LOXL3: variants seen among roughly 807,000 people sequenced by gnomAD.
LOXL3 encodes lysyl oxidase homolog 3.
Under a neutral mutation model 91.8 loss-of-function variants are expected in LOXL3, and 60 were observed. The ratio of observed to expected loss-of-function variants is 0.65; its 90% confidence interval spans 0.53 to 0.81. LOXL3 has a LOEUF of 0.81. LOXL3 is among the 30% of genes least tolerant of loss of function. The probability of loss-of-function intolerance (pLI) is 0.00; values close to 1 mark genes in which losing one functional copy is unlikely to be tolerated. For missense variants in LOXL3, 874 were observed against 1,000.4 expected, an observed-to-expected ratio of 0.87 and a Z score of 1.70; for synonymous variants, 355 against 387.6, an observed-to-expected ratio of 0.92 and a Z score of 0.99.
chr2:74,551,119 G>C (rs1044919534), intron 2 of LOXL3, among the ~76,000 whole-genome samples: 2 of 152,128 alleles, frequency 1.3e-5, no homozygotes, highest in Non-Finnish European at 2.9e-5. Flanking sequence ...TTGTAGTAGA[G>C]ACAGGGTTTC....
upstream of LOXL3, chr2:74,555,608 C>T: frequency 6.2e-7 from 1 of 1,614,214 alleles, no homozygotes; most frequent in Non-Finnish European, 8.5e-7. This position sits in a 1 kb window ranked among gnomAD's most constrained non-coding sequence, Gnocchi z 6.1. Flanking sequence ...TACCGATAAC[C>T]CACCTAAGCT....
In LOXL3 at chr2:74,552,622, T is replaced by G. The variant is rs1677090578; in HGVS notation, c.13A>C (p.Ser5Arg). MRPVSVWQWSPWGLL... is the reference protein window; with the variant it reads MRPVRVWQWSPWGLL... ...CCCCAGGGGCTCCACTGCCAGACAC[T>G]GACAGGTCGCATGGCAGGGAAGGCC... Residue 5 changes from serine to arginine, a missense_variant, in exon 2 of 14, where the codon AGT (serine) becomes CGT (arginine). By Grantham distance (110) the Ser-to-Arg change is moderately radical. Coordinates refer to ENST00000264094, the MANE Select transcript of LOXL3 (RefSeq NM_032603.5). 4 of 1,563,466 alleles carry G rather than the reference T, an allele frequency of 2.6e-6. No homozygotes were observed. Among genetic ancestry groups the G allele is most frequent in the Admixed American group, 1.8e-5 (1 of 54,578 alleles).
chr2:74,549,562 C>T lies in LOXL3; in HGVS notation c.499G>A (p.Glu167Lys). 1 of 1,610,742 alleles carries T rather than the reference C, an allele frequency of 6.2e-7. No individual in the cohort carries two copies. Among genetic ancestry groups the T allele is most frequent in the Non-Finnish European group, 8.5e-7 (1 of 1,177,712 alleles). The change falls in exon 4 of 14, where the codon GAG becomes AAG. Residue 167 changes from glutamate (E) to lysine (K), a missense_variant. Glu to Lys is a moderately conservative substitution (Grantham distance 56). Coordinates refer to ENST00000264094, the MANE Select transcript of LOXL3 (RefSeq NM_032603.5). The surrounding 1 kb of genome is among the most constrained non-coding windows in gnomAD (Gnocchi z 5.3). ...ACGGCGGGTCGAATTCGCACCTCCT[C>T]CACTTGCAGGTGATGCTCTACCTGG... The part of the protein sequence containing the change: ...VIEVEHHLQV[E>K]EVRIRPAVGW...
rs1249027063 is a variant in LOXL3 at position 74,550,414 on chromosome 2, T to C, written c.314-66A>G. Reference sequence around the variant, plus strand: ...GGAGGATGGGGGAGTAATGGGGATGTAGGGAAGAGTGAGTGCTGAGGCCTC... The same window carrying C: ...GGAGGATGGGGGAGTAATGGGGATGCAGGGAAGAGTGAGTGCTGAGGCCTC... On this transcript the variant is annotated intron_variant, in intron 2 of 13. Coordinates refer to ENST00000264094, the MANE Select transcript of LOXL3 (RefSeq NM_032603.5). The C allele has an allele frequency of 1.9e-6, 3 of 1,538,512 alleles. No individual in the cohort carries two copies. In the African/African-American group the frequency reaches 4.1e-5, roughly 21 times the overall value.
chr2:74,535,859 G>T lies in LOXL3; in HGVS notation c.1249-104C>A. On this transcript the variant is annotated intron_variant, in intron 7 of 13. Transcript: ENST00000264094. The surrounding 1 kb of genome is among the most constrained non-coding windows in gnomAD (Gnocchi z 4.2). The stretch of plus-strand genomic sequence containing the variant: ...CGTGACTCAGGCACATAATGGGCTA[G>T]CAAGTGATGGGTCAGGTGGGAGCTG... The T allele has an allele frequency of 6.8e-7, 1 of 1,479,716 alleles. No homozygotes were observed. Among genetic ancestry groups the T allele is most frequent in the Non-Finnish European group, 9.0e-7 (1 of 1,109,492 alleles). 91.7% of individuals were successfully genotyped at this position (1,479,716 alleles called of 1,614,324 possible).
At position 74,534,548 on chromosome 2, in the gene LOXL3, C is replaced by T. The variant is rs199630366; in HGVS notation, c.1806G>A (p.Val602=). ...CCTCTCACCCATGGCACTCGTGCCA[C>T]ACCCAGGAGTGGCGCCCAGCCTTGG... ...FRPKAGRHSW[V]WHECHGHYHS... is the part of the protein sequence containing the mutation. The change falls in exon 10 of 14, where the codon GTG becomes GTA. Residue 602 remains valine (V), a synonymous_variant. Coordinates refer to ENST00000264094, the MANE Select transcript of LOXL3 (RefSeq NM_032603.5). 1.2e-5 allele frequency: 20 copies of T among 1,614,122 alleles called. No homozygotes were observed. The highest frequency in any genetic ancestry group is 1.7e-6 in the Non-Finnish European group (2 of 1,180,048).
chr2:74,548,515 A>T (rs919647250), intron 4 of LOXL3, among the ~76,000 whole-genome samples: 2 of 152,092 alleles, frequency 1.3e-5, no homozygotes, highest in Non-Finnish European at 2.9e-5. Flanking sequence ...GCCCGCGGAA[A>T]CCTATCCGGA....
intron 4 of LOXL3, among the ~76,000 whole-genome samples, chr2:74,543,899 TCAAAAA>T (rs1356142809): frequency 6.1e-5 from 3 of 49,322 alleles, no homozygotes; most frequent in Admixed American, 2.1e-4. Flanking sequence ...AGGCTCTGTC[TCAAAAA>T]AAAAAAAAAA....
intron 4 of LOXL3, among the ~76,000 whole-genome samples, chr2:74,542,778 C>T (rs980144899): frequency 7.9e-5 from 12 of 152,146 alleles, no homozygotes; most frequent in Non-Finnish European, 1.5e-4. Flanking sequence ...GCACGCACCA[C>T]CACAGCCAGC....
intron 4 of LOXL3, among the ~76,000 whole-genome samples, chr2:74,547,176 AAT>A (rs1676644751): frequency 6.6e-6 from 1 of 151,878 alleles, no homozygotes; most frequent in Non-Finnish European, 1.5e-5. Context: ...ATGTTCAGCT[AAT>A]TTTATTTTTA....
chr2:74,538,943 G>A lies in LOXL3; in HGVS notation c.693-2015C>T, dbSNP rs990719064. Among the ~76,000 whole-genome samples, 60 of 152,208 alleles carry A rather than the reference G, an allele frequency of 3.9e-4. 1 individual carries two copies. The highest frequency in any genetic ancestry group is 1.3e-3 in the African/African-American group (55 of 41,446). ...TGAGACCAAGGTAAGGACCAGTCTT[G>A]CGTAACACTTCAGTAAATGCCCTGG... On this transcript the variant is annotated intron_variant, in intron 4 of 13. Coordinates refer to ENST00000264094, the MANE Select transcript of LOXL3 (RefSeq NM_032603.5).
chr2:74,548,875 G>C (rs1676781725), intron 4 of LOXL3, among the ~76,000 whole-genome samples: 2 of 151,452 alleles, frequency 1.3e-5, no homozygotes, highest in Non-Finnish European at 3.0e-5. Context: ...GGGGCGGCCC[G>C]GGCAGAGAGA....
chr2:74,550,267 C>G lies in LOXL3; in HGVS notation c.395G>C (p.Ser132Thr). Residue 132 changes from serine (S) to threonine (T), a missense_variant, in exon 3 of 14, where the codon AGT becomes ACT. Ser to Thr is a moderately conservative substitution (Grantham distance 58, BLOSUM62 1). Coordinates refer to ENST00000264094, the MANE Select transcript of LOXL3 (RefSeq NM_032603.5). The stretch of plus-strand genomic sequence containing the variant: ...AGCATCCTCATCGTGCGTACAGTCA[C>G]TGTTCCCCCAGCCCCGGGAGGCACA... ...TECASRGWGN[S>T]DCTHDEDAGV... is the part of the protein sequence containing the mutation. 2 of 1,614,222 alleles carry G rather than the reference C, an allele frequency of 1.2e-6. No individual in the cohort carries two copies. Among genetic ancestry groups the G allele is most frequent in the African/African-American group, 1.3e-5 (1 of 75,060 alleles).
chr2:74,534,877 TTTTGTTTG>T (rs760334860), intron 9 of LOXL3, 103 bp from the exon 10 acceptor site: 53 of 1,344,974 alleles, frequency 3.9e-5, no homozygotes, highest in Non-Finnish European at 4.6e-5. Context: ...TTGTTTTTGT[TTTTGTTTG>T]TTTGTTTGTT....
chr2:74,552,946 G>A (rs1353829571), intron 1 of LOXL3: 3 of 332,032 alleles, frequency 9.0e-6, no homozygotes, highest in Middle Eastern at 8.2e-4. Context: ...CAAGAGACAC[G>A]TAGAGAGAGA....
At chr2:74,555,509 C>T (rs1677380381), upstream of LOXL3, 2 of 1,611,416 alleles carry the variant, frequency 1.2e-6, no homozygotes, top group Non-Finnish European at 1.7e-6. The surrounding 1 kb of genome is among the most constrained non-coding windows in gnomAD (Gnocchi z 6.1). Flanking sequence ...AGAAATGGGG[C>T]TGCCTCAGAC....
intron 4 of LOXL3, among the ~76,000 whole-genome samples, chr2:74,544,914 C>T (rs958430669): frequency 4.6e-5 from 7 of 152,186 alleles, no homozygotes; most frequent in Admixed American, 3.3e-4. Flanking sequence ...CCAGGGCTCC[C>T]GCAATCTCTT....
Position 74,535,521 on chromosome 2 carries a change from C to G in LOXL3, c.1416+67G>C. On this transcript the variant is annotated intron_variant, in intron 8 of 13. Coordinates refer to ENST00000264094, the MANE Select transcript of LOXL3 (RefSeq NM_032603.5). The surrounding 1 kb of genome is among the most constrained non-coding windows in gnomAD (Gnocchi z 4.2). Reference sequence around the variant, plus strand: ...GCATCTTGGGCCAAGGGACTCATTCCTCAGCCCTCTGCCCAAAACACAGGC... The same window carrying G: ...GCATCTTGGGCCAAGGGACTCATTCGTCAGCCCTCTGCCCAAAACACAGGC... The G allele has an allele frequency of 6.2e-7, 1 of 1,611,900 alleles. No individual in the cohort carries two copies. The highest frequency in any genetic ancestry group is 8.5e-7 in the Non-Finnish European group (1 of 1,179,748).
At position 74,535,942 on chromosome 2, in the gene LOXL3, C is replaced by T. The variant is rs878894075; in HGVS notation, c.1248+54G>A. 6 of 1,519,010 alleles carry T rather than the reference C, an allele frequency of 3.9e-6. No homozygotes were observed. Among genetic ancestry groups the T allele is most frequent in the Admixed American group, 4.4e-5 (2 of 45,374 alleles). 94.1% of individuals were successfully genotyped at this position (1,519,010 alleles called of 1,614,324 possible). ...GGGCCATTGGACTGTAGATTGGAGA[C>T]CAGACCTGGATAGGATGAAAGAGAC... is the stretch of plus-strand genomic sequence containing the variant. On this transcript the variant is annotated intron_variant, in intron 7 of 13. Coordinates refer to ENST00000264094, the MANE Select transcript of LOXL3 (RefSeq NM_032603.5). The surrounding 1 kb of genome is among the most constrained non-coding windows in gnomAD (Gnocchi z 4.2).
Sources: gnomAD v4.1 joint callset for allele counts (sites outside exome capture counted in the v4.1 genomes callset) on GRCh38, gnomAD v4.1.1 for gene constraint, Gnocchi (gnomAD v3.1) non-coding constraint, MANE v1.5 for transcripts, NCBI Gene and HGNC (gene_info 2026-07-23, HGNC 2026-07-21) for gene names.